CFHR5: variants seen among roughly 807,000 people sequenced by gnomAD.
CFHR5 encodes complement factor H related 5.
In CFHR5, 73 loss-of-function variants were observed where a neutral mutation model predicts 62.9. That is an observed-to-expected ratio of 1.16 (90% confidence interval 0.96 to 1.41). The LOEUF is 1.41. Among genes scored for constraint, CFHR5 ranks in the 40% most tolerant of loss-of-function variants. The pLI, the probability that CFHR5 is intolerant of heterozygous loss-of-function variation, is 0.00. For synonymous variants in CFHR5, 249 were observed against 227.2 expected, an observed-to-expected ratio of 1.10 and a Z score of -0.86; for missense variants, 779 against 679.9, an observed-to-expected ratio of 1.15 and a Z score of -1.62.
At position 196,998,275 on chromosome 1, in the gene CFHR5, G is replaced by A. The variant is rs376742710; in HGVS notation, c.1118G>A (p.Gly373Glu). Reference protein sequence around the residue: ...FRYRHSVCINGKWNPEVDCTE... With the variant: ...FRYRHSVCINEKWNPEVDCTE... The stretch of plus-strand genomic sequence containing the variant: ...TACAGGCACTCAGTCTGTATAAACG[G>A]GAAATGGAATCCTGAAGTAGACTGC... Residue 373 changes from glycine (G) to glutamate (E), a missense_variant, in exon 7 of 10, where the codon GGG (glycine) becomes GAG (glutamate). Coordinates refer to ENST00000256785, the MANE Select transcript of CFHR5 (RefSeq NM_030787.4). 19 of 1,611,280 alleles carry A rather than the reference G, an allele frequency of 1.2e-5. No individual in the cohort carries two copies. Among genetic ancestry groups the A allele is most frequent in the Non-Finnish European group, 1.5e-5 (18 of 1,178,534 alleles).
chr1:196,976,778 C>A (rs867927449), upstream of CFHR5, among the ~76,000 whole-genome samples: 6 of 147,880 alleles, frequency 4.1e-5, no homozygotes, highest in African/African-American at 7.6e-5. Flanking sequence ...TTTCAGGAAA[C>A]GTTACTTGGC....
chr1:196,990,217 T>C (rs1653809659), intron 3 of CFHR5, among the ~76,000 whole-genome samples: 1 of 152,130 alleles, frequency 6.6e-6, no homozygotes, highest in African/African-American at 2.4e-5. Context: ...CCTTTCCATT[T>C]GCTTGGTAGA....
chr1:196,999,700 TATATATATATATATATATATATAC>T, intron 7 of CFHR5, among the ~76,000 whole-genome samples: 1 of 48,022 alleles, frequency 2.1e-5, no homozygotes, highest in African/African-American at 5.3e-5. Context: ...TATATATATA[TATATATATATATATATATATATAC>T]ACACACACAC....
At chr1:196,992,012 A>T (rs545622055) in intron 3 of CFHR5, among the ~76,000 whole-genome samples, 6 of 152,236 alleles carry the variant, frequency 3.9e-5, no homozygotes, top group Non-Finnish European at 7.3e-5. Flanking sequence ...TTACAGAAGC[A>T]GCAGGCCTTG....
rs777594999 is a variant in CFHR5, at chr1:196,995,790, T to C, written c.681T>C (p.Tyr227=). 5.6e-6 allele frequency: 9 copies of C among 1,612,692 alleles called. No individual in the cohort carries two copies. Among genetic ancestry groups the C allele is most frequent in the Non-Finnish European group, 7.6e-6 (9 of 1,178,962 alleles). The change falls in exon 5 of 10, where the codon TAT becomes TAC. Residue 227 remains tyrosine, a synonymous_variant. Coordinates refer to ENST00000256785, the MANE Select transcript of CFHR5 (RefSeq NM_030787.4). ...TTAAGGAGATAAGAAAAGAGGAATA[T>C]GGACACAATGAAGTAGTGGAATATG... ...GEVKEIRKEE[Y]GHNEVVEYDC... is the part of the protein sequence containing the mutation.
chr1:196,977,660 C>A lies in CFHR5; in HGVS notation c.-5C>A, dbSNP rs112503996. 8.1e-6 allele frequency: 13 copies of A among 1,610,560 alleles called. No homozygotes were observed. The African/African-American group carries it at 9.4e-5, about 12-fold the overall frequency. On this transcript the variant is annotated 5_prime_UTR_variant, in exon 1 of 10. Transcript: ENST00000256785. Reference sequence around the variant, plus strand: ...TTTAGTTATATACGATTGAGACTACCAAGCATGTTGCTCTTATTCAGTGTA... The same window carrying A: ...TTTAGTTATATACGATTGAGACTACAAAGCATGTTGCTCTTATTCAGTGTA...
chr1:196,983,011 C>T lies in CFHR5; in HGVS notation c.185C>T (p.Pro62Leu). 1 of 1,614,068 alleles carries T rather than the reference C, an allele frequency of 6.2e-7. No homozygotes were observed. ...YYSCEYNFVSPSKSFWTRITC... is the reference protein window; with the variant it reads ...YYSCEYNFVSLSKSFWTRITC... ...TCCTGTGAATATAATTTTGTGTCTCCTTCAAAATCCTTTTGGACTCGCATA... is the reference window on the plus strand; with the variant it reads ...TCCTGTGAATATAATTTTGTGTCTCTTTCAAAATCCTTTTGGACTCGCATA... Residue 62 changes from proline (P) to leucine (L), a missense_variant, in exon 2 of 10, where the codon CCT (proline) becomes CTT (leucine). By Grantham distance (98) the Pro-to-Leu change is moderately conservative. Coordinates refer to ENST00000256785, the MANE Select transcript of CFHR5 (RefSeq NM_030787.4).
upstream of CFHR5, among the ~76,000 whole-genome samples, chr1:196,975,861 A>T (rs895179875): frequency 6.6e-6 from 1 of 152,156 alleles, no homozygotes; most frequent in African/African-American, 2.4e-5. Flanking sequence ...GTTTTCTAAG[A>T]CTTGGATTAC....
chr1:196,978,486 C>G (rs987133338), intron 1 of CFHR5, among the ~76,000 whole-genome samples: 4 of 152,080 alleles, frequency 2.6e-5, no homozygotes, highest in African/African-American at 9.7e-5. Flanking sequence ...GTGCTATATA[C>G]TCTTTGATTT....
chr1:197,000,876 G>A (rs1361975970), intron 7 of CFHR5, among the ~76,000 whole-genome samples: 1 of 152,108 alleles, frequency 6.6e-6, no homozygotes, highest in African/African-American at 2.4e-5. Flanking sequence ...AAGACATTAA[G>A]TAGAAGAGCT....
intron 1 of CFHR5, among the ~76,000 whole-genome samples, chr1:196,982,684 A>G (rs1463549936): frequency 6.6e-6 from 1 of 152,042 alleles, no homozygotes; most frequent in Non-Finnish European, 1.5e-5. Flanking sequence ...TCTCAAAAAA[A>G]AAAAGATCTC....
chr1:196,977,659 CCA>C lies in CFHR5; in HGVS notation c.-5_-4del, dbSNP rs770049666. The stretch of plus-strand genomic sequence containing the variant: ...TTTTAGTTATATACGATTGAGACTA[CCA>C]AGCATGTTGCTCTTATTCAGTGTAA... On this transcript the variant is annotated 5_prime_UTR_variant, in exon 1 of 10. Transcript: ENST00000256785. 1 of 1,609,946 alleles carries C rather than the reference CCA, an allele frequency of 6.2e-7. No individual in the cohort carries two copies. Among genetic ancestry groups the C allele is most frequent in the Non-Finnish European group, 8.5e-7 (1 of 1,176,408 alleles).
At position 196,984,139 on chromosome 1, in the gene CFHR5, T is replaced by C. The variant is rs765155652; in HGVS notation, c.430+2T>C. 12 of 1,611,512 alleles carry C rather than the reference T, an allele frequency of 7.4e-6. 1 individual carries two copies. The highest frequency in any genetic ancestry group is 8.5e-7 in the Non-Finnish European group (1 of 1,177,836). ...CTCCTCCCATATGCAGCTTCACTAGTAAGCAAAATACCACTCTCTCAGTTT... is the reference window on the plus strand; with the variant it reads ...CTCCTCCCATATGCAGCTTCACTAGCAAGCAAAATACCACTCTCTCAGTTT... On this transcript the variant is annotated splice_donor_variant, in intron 3 of 9. Coordinates refer to ENST00000256785, the MANE Select transcript of CFHR5 (RefSeq NM_030787.4). LOFTEE classifies it high-confidence loss of function.
Position 196,994,150 on chromosome 1 carries a change from T to A in CFHR5, c.501T>A (p.Val167=). 1.2e-6 allele frequency: 2 copies of A among 1,613,562 alleles called. No individual in the cohort carries two copies. The highest frequency in any genetic ancestry group is 4.5e-5 in the East Asian group (2 of 44,778). The stretch of plus-strand genomic sequence containing the variant: ...AGCCAAAAAAAGAAAGCTACAAAGT[T>A]GGAGACGTGTTGAAATTCTCCTGCA... ...DAQPKKESYK[V]GDVLKFSCRK... is the part of the protein sequence containing the mutation. Residue 167 remains valine, a synonymous_variant, in exon 4 of 10, where the codon GTT becomes GTA. Transcript: ENST00000256785.
rs986245360 is a variant in CFHR5, at chr1:196,991,815, G to A, written c.431-2265G>A. Among the ~76,000 whole-genome samples the A allele has an allele frequency of 3.9e-5, 6 of 152,264 alleles. No individual in the cohort carries two copies. In the South Asian group the frequency reaches 1.2e-3, roughly 32 times the overall value. ...GTGTCAGTTTTCCCCCTACTGGGAG[G>A]TGTCTCCCAGTTAGGCTACACGTGG... On this transcript the variant is annotated intron_variant, in intron 3 of 9. Transcript: ENST00000256785.
intron 7 of CFHR5, among the ~76,000 whole-genome samples, chr1:196,999,351 C>G (rs1311615065): frequency 2.0e-5 from 3 of 151,582 alleles, no homozygotes; most frequent in South Asian, 4.1e-4. Flanking sequence ...AAGTTTGAAG[C>G]CTTTTATGTG....
At chr1:196,995,661 C>T (rs901457394) in intron 4 of CFHR5, 56 bp from the exon 5 acceptor site, 1 of 1,478,780 alleles carries the variant, frequency 6.8e-7, no homozygotes, top group African/African-American at 1.4e-5. Flanking sequence ...AGTAACTCCA[C>T]ATTTTTCTAT....
At chr1:196,994,533 C>T (rs1202698794) in intron 4 of CFHR5, among the ~76,000 whole-genome samples, 1 of 151,950 alleles carries the variant, frequency 6.6e-6, no homozygotes, top group Non-Finnish European at 1.5e-5. Context: ...TTCCATCTAG[C>T]TCAATAAAAA....
chr1:196,988,795 A>G (rs1212460646), intron 3 of CFHR5, among the ~76,000 whole-genome samples: 1 of 152,096 alleles, frequency 6.6e-6, no homozygotes, highest in East Asian at 1.9e-4. Flanking sequence ...GGATTTTCAC[A>G]TCGATGTTCA....
Sources: allele counts gnomAD v4.1 joint callset (sites outside exome capture counted in the v4.1 genomes callset), GRCh38; gene constraint gnomAD v4.1.1; transcripts MANE v1.5; gene names NCBI Gene and HGNC (gene_info 2026-07-23, HGNC 2026-07-21).